Variants in PLCB4 observed in about 807,000 individuals in gnomAD.
The protein encoded by PLCB4 is 1-phosphatidylinositol 4,5-bisphosphate phosphodiesterase beta-4.
PLCB4 carries 77 observed loss-of-function variants against 178.8 expected under a neutral mutation model. The ratio of observed to expected loss-of-function variants is 0.43; its 90% CI spans 0.36 to 0.52. The LOEUF (loss-of-function observed/expected upper bound fraction) is 0.52, where lower values mean the gene tolerates loss of function less well. Ranked by LOEUF, PLCB4 falls within the 20% of genes least tolerant of loss-of-function variation. PLCB4 has a pLI of 0.00. For synonymous variants in PLCB4, 496 were observed against 490.8 expected, an observed-to-expected ratio of 1.01 and a Z score of -0.14; for missense variants, 1,024 against 1,453.4, an observed-to-expected ratio of 0.70 and a Z score of 4.80.
intron 3 of PLCB4, among the ~76,000 whole-genome samples, chr20:9,225,069 A>G (rs16995664): frequency 0.019 from 2,962 of 152,298 alleles, 94 homozygotes; most frequent in African/African-American, 0.066. Context: ...AATGGATTAA[A>G]AAATGCTGAT....
At chr20:9,311,456 T>C (rs1200381308) in intron 4 of PLCB4, among the ~76,000 whole-genome samples, 1 of 152,216 alleles carries the variant, frequency 6.6e-6, no homozygotes, top group Middle Eastern at 3.2e-3. Flanking sequence ...TCATGCTGAA[T>C]AAGTTTCATT....
chr20:9,468,648 T>C lies in PLCB4; in HGVS notation c.3326T>C (p.Ile1109Thr). 1 of 1,606,538 alleles carries C rather than the reference T, an allele frequency of 6.2e-7. No individual in the cohort carries two copies. Among genetic ancestry groups the C allele is most frequent in the South Asian group, 1.1e-5 (1 of 90,910 alleles). The change falls in exon 36 of 40, where the codon ATC (isoleucine) becomes ACC (threonine). Residue 1109 changes from isoleucine to threonine, a missense_variant. Coordinates refer to ENST00000378473, the MANE Select transcript of PLCB4 (RefSeq NM_001377142.1). ...NSKAISQDKS[I>T]KNKAERERRV... is the part of the protein sequence containing the mutation. ...AAAGCCATCAGCCAAGATAAATCTA[T>C]CAAGAATAAAGCAGAACGGGAAAGG...
At chr20:9,154,917 T>TTCCTTCCC in intron 2 of PLCB4, among the ~76,000 whole-genome samples, 1 of 117,508 alleles carries the variant, frequency 8.5e-6, no homozygotes, top group South Asian at 3.7e-4. Context: ...CCTTCCTTCC[T>TTCCTTCCC]TCCTTCCTTC....
At position 9,137,114 on chromosome 20, in the gene PLCB4, G is replaced by T. The variant is rs180749471; in HGVS notation, c.-79+40772G>T. On this transcript the variant is annotated intron_variant, in intron 2 of 39. Coordinates refer to ENST00000378473, the MANE Select transcript of PLCB4 (RefSeq NM_001377142.1). ...CGTTCTAATACTATTCTTGGTTTCT[G>T]TAGCTCTGTCCTCTTACTCCTTCAG... Among the ~76,000 whole-genome samples the T allele has an allele frequency of 1.2e-4, 19 of 152,172 alleles. No homozygotes were observed. In the South Asian group the frequency reaches 1.5e-3, roughly 12 times the overall value.
chr20:9,176,938 T>C (rs1459438420), intron 2 of PLCB4, among the ~76,000 whole-genome samples: 3 of 152,142 alleles, frequency 2.0e-5, no homozygotes, highest in Admixed American at 6.5e-5. Context: ...GTTTAAGAAC[T>C]TCTGGGATAA....
intron 3 of PLCB4, among the ~76,000 whole-genome samples, chr20:9,274,200 G>A (rs1161988387): frequency 1.3e-5 from 2 of 152,196 alleles, no homozygotes; most frequent in Non-Finnish European, 2.9e-5. Flanking sequence ...AAAGGAAAAG[G>A]CACATTAAAT....
intron 3 of PLCB4, among the ~76,000 whole-genome samples, chr20:9,306,703 A>G (rs1601738989): frequency 6.6e-6 from 1 of 152,080 alleles, no homozygotes; most frequent in East Asian, 1.9e-4. Context: ...TTGGTGACTC[A>G]TTGTTGTATG....
chr20:9,198,196 T>G (rs113001789), intron 2 of PLCB4, among the ~76,000 whole-genome samples: 6 of 152,300 alleles, frequency 3.9e-5, no homozygotes, highest in African/African-American at 1.4e-4. Context: ...AACTTTGTTT[T>G]AAGTCAGTAT....
intron 3 of PLCB4, among the ~76,000 whole-genome samples, chr20:9,291,632 C>G (rs1436388052): frequency 6.6e-6 from 1 of 152,118 alleles, no homozygotes; most frequent in Non-Finnish European, 1.5e-5. Context: ...CTCACTATCT[C>G]TATTTTATTA....
At chr20:9,365,978 G>C (rs770450922) in intron 9 of PLCB4, among the ~76,000 whole-genome samples, 1 of 152,042 alleles carries the variant, frequency 6.6e-6, no homozygotes, top group African/African-American at 2.4e-5. Context: ...AGGGCAGATG[G>C]GGATACTTCT....
At chr20:9,395,487 A>G (rs2038503852) in intron 18 of PLCB4, 36 bp from the exon 19 acceptor site, 1 of 1,408,274 alleles carries the variant, frequency 7.1e-7, no homozygotes, top group Non-Finnish European at 1.0e-6. Flanking sequence ...GTTACCTAGC[A>G]TCTGTCACCA....
intron 2 of PLCB4, among the ~76,000 whole-genome samples, chr20:9,146,856 A>C (rs865935006): frequency 6.6e-6 from 1 of 152,194 alleles, no homozygotes; most frequent in Admixed American, 6.5e-5. Context: ...CGAGGTCAGC[A>C]TTATGCTTTT....
intron 12 of PLCB4, among the ~76,000 whole-genome samples, chr20:9,378,236 A>T (rs974608716): frequency 2.6e-5 from 4 of 152,154 alleles, no homozygotes; most frequent in African/African-American, 9.7e-5. Context: ...AGTTCAAAAT[A>T]TTTACCAACA....
At chr20:9,103,141 T>C (rs1014703203) in intron 2 of PLCB4, among the ~76,000 whole-genome samples, 15 of 151,900 alleles carry the variant, frequency 9.9e-5, no homozygotes, top group Admixed American at 9.2e-4. Context: ...TCCATTGTAC[T>C]TTTTAACACA....
In PLCB4 at chr20:9,173,550, G is replaced by C. The variant is rs887753683; in HGVS notation, c.-78-43840G>C. ...GGTAGTCAAATAGGCCTGCAGGACC[G>C]TGTTTTTTCTGGAGGTTCTGGGGGA... On this transcript the variant is annotated intron_variant, in intron 2 of 39. Coordinates refer to ENST00000378473, the MANE Select transcript of PLCB4 (RefSeq NM_001377142.1). Among the ~76,000 whole-genome samples, 5 of 152,248 alleles carry C rather than the reference G, an allele frequency of 3.3e-5. No individual in the cohort carries two copies. The East Asian group carries it at 9.6e-4, about 29-fold the overall frequency.
At chr20:9,333,629 A>G (rs2032020685) in intron 4 of PLCB4, among the ~76,000 whole-genome samples, 1 of 152,168 alleles carries the variant, frequency 6.6e-6, no homozygotes. Context: ...GTTTTAATAA[A>G]TTCATTCAAA....
chr20:9,153,479 C>T (rs551341372), intron 2 of PLCB4, among the ~76,000 whole-genome samples: 3 of 152,284 alleles, frequency 2.0e-5, no homozygotes, highest in African/African-American at 4.8e-5. Flanking sequence ...GCTTCTTCCT[C>T]ATTTTCTCTT....
chr20:9,363,317 G>GACA (rs2035508444), intron 8 of PLCB4, among the ~76,000 whole-genome samples: 1 of 152,188 alleles, frequency 6.6e-6, no homozygotes, highest in Non-Finnish European at 1.5e-5. Context: ...CCATCGCTGA[G>GACA]TGCTGGGGTA....
At chr20:9,363,521 G>A (rs191241892) in intron 8 of PLCB4, among the ~76,000 whole-genome samples, 1,606 of 152,216 alleles carry the variant, frequency 0.011, 20 homozygotes, top group Non-Finnish European at 0.014. Context: ...AGGATCCAAT[G>A]GTGATTTCCA....
Sources: gnomAD v4.1 joint callset for allele counts (sites outside exome capture counted in the v4.1 genomes callset) on GRCh38, gnomAD v4.1.1 for gene constraint, MANE v1.5 for transcripts, NCBI Gene and HGNC (gene_info 2026-07-23, HGNC 2026-07-21) for gene names.